Variants in ROR2 observed in about 807,000 individuals in gnomAD.
ROR2 encodes ROR family WNT receptor 2.
Under a neutral mutation model 74.9 loss-of-function variants are expected in ROR2, and 33 were observed. The ratio of observed to expected loss-of-function variants is 0.44; its 90% CI spans 0.33 to 0.59. The LOEUF is 0.59. Ranked by LOEUF, ROR2 falls within the 20% of genes least tolerant of loss-of-function variation. The pLI is 0.02. For missense variants in ROR2, 1,216 were observed against 1,313.8 expected, an observed-to-expected ratio of 0.93 and a Z score of 1.15; for synonymous variants, 586 against 558.7, an observed-to-expected ratio of 1.05 and a Z score of -0.69.
chr9:91,748,888 G>A (rs990504391), intron 4 of ROR2, among the ~76,000 whole-genome samples: 2 of 152,052 alleles, frequency 1.3e-5, no homozygotes, highest in Non-Finnish European at 1.5e-5. Context: ...TTAGCCGGGC[G>A]TGGTGGCAGG....
At chr9:91,833,208 G>A (rs541223291) in intron 1 of ROR2, among the ~76,000 whole-genome samples, 3 of 152,194 alleles carry the variant, frequency 2.0e-5, no homozygotes, top group Non-Finnish European at 4.4e-5. Flanking sequence ...GCTTGGGAGG[G>A]AGGAAGGACC....
chr9:91,937,454 C>T (rs933707745), intron 1 of ROR2, among the ~76,000 whole-genome samples: 1 of 151,880 alleles, frequency 6.6e-6, no homozygotes, highest in African/African-American at 2.4e-5. Context: ...ATCCAGACGC[C>T]CCAGGGGTCT....
intron 1 of ROR2, among the ~76,000 whole-genome samples, chr9:91,779,125 T>C (rs1164788416): frequency 6.6e-6 from 1 of 152,074 alleles, no homozygotes; most frequent in Non-Finnish European, 1.5e-5. Context: ...TCAAGAATAA[T>C]GCACCCGTAT....
intron 1 of ROR2, among the ~76,000 whole-genome samples, chr9:91,863,329 C>A (rs1234969157): frequency 6.6e-6 from 1 of 152,114 alleles, no homozygotes; most frequent in Non-Finnish European, 1.5e-5. Context: ...ACAGAGTTAC[C>A]AGAGGACTCT....
At chr9:91,773,932 T>C (rs1317379120) in intron 2 of ROR2, among the ~76,000 whole-genome samples, 1 of 152,182 alleles carries the variant, frequency 6.6e-6, no homozygotes, top group Non-Finnish European at 1.5e-5. Flanking sequence ...ACTCAGAATT[T>C]TATCATGACC....
chr9:91,899,390 C>G (rs1830615277), intron 1 of ROR2, among the ~76,000 whole-genome samples: 1 of 152,146 alleles, frequency 6.6e-6, no homozygotes, highest in Non-Finnish European at 1.5e-5. Flanking sequence ...GGTCAATGTC[C>G]CCTGCTTGGC....
chr9:91,777,779 T>C (rs959605637), intron 1 of ROR2, among the ~76,000 whole-genome samples: 1 of 152,174 alleles, frequency 6.6e-6, no homozygotes, highest in Non-Finnish European at 1.5e-5. Context: ...ACATTTTCTA[T>C]AAATGAAATC....
At position 91,768,789 on chromosome 9, in the gene ROR2, G is replaced by A. The variant is rs376723426; in HGVS notation, c.175+6952C>T. On this transcript the variant is annotated intron_variant, in intron 2 of 8. Transcript: ENST00000375708. ...CCAAACTCTGCCCCGAATAACCAAC[G>A]GTGCACACTTTGAAACCTCCTATTT... 4.6e-5 allele frequency among the ~76,000 whole-genome samples: 7 copies of A among 152,280 alleles called. No homozygotes were observed. In the East Asian group the frequency reaches 5.8e-4, roughly 13 times the overall value.
intron 1 of ROR2, among the ~76,000 whole-genome samples, chr9:91,844,775 G>A (rs1421035512): frequency 6.6e-6 from 1 of 152,088 alleles, no homozygotes; most frequent in Non-Finnish European, 1.5e-5. Context: ...AAGTTCACGG[G>A]TCAAAAAGGC....
chr9:91,756,955 T>C (rs1241430824), intron 3 of ROR2, among the ~76,000 whole-genome samples: 5 of 152,026 alleles, frequency 3.3e-5, no homozygotes, highest in Admixed American at 3.3e-4. Flanking sequence ...TCTACTAAAC[T>C]GGCCAACTAC....
chr9:91,874,456 C>G (rs1476513098), intron 1 of ROR2, among the ~76,000 whole-genome samples: 3 of 152,146 alleles, frequency 2.0e-5, no homozygotes, highest in Non-Finnish European at 4.4e-5. Context: ...TCTAGAAAAA[C>G]TAAGTTGGCT....
intron 1 of ROR2, among the ~76,000 whole-genome samples, chr9:91,874,921 G>A (rs1179462941): frequency 1.4e-5 from 2 of 147,188 alleles, no homozygotes; most frequent in African/African-American, 2.6e-5. Context: ...CAACAAGAGC[G>A]AAACTCCGTC....
chr9:91,739,316 G>A (rs1825140691), intron 4 of ROR2, among the ~76,000 whole-genome samples: 1 of 152,056 alleles, frequency 6.6e-6, no homozygotes, highest in East Asian at 1.9e-4. Flanking sequence ...AGACCAGTCT[G>A]GGCAACATGG....
At chr9:91,908,796 G>T (rs1830880606) in intron 1 of ROR2, among the ~76,000 whole-genome samples, 1 of 152,134 alleles carries the variant, frequency 6.6e-6, no homozygotes, top group Non-Finnish European at 1.5e-5. Context: ...AAGATTTCAA[G>T]CGGAGGGTGC....
Position 91,833,530 on chromosome 9 carries a change from C to T in ROR2, c.98-57712G>A, listed in dbSNP as rs561527307. Among the ~76,000 whole-genome samples, 87 of 152,326 alleles carry T rather than the reference C, an allele frequency of 5.7e-4. 2 individuals are homozygous for T. The highest frequency in any genetic ancestry group is 1.9e-3 in the African/African-American group (80 of 41,576). On this transcript the variant is annotated intron_variant, in intron 1 of 8. Coordinates refer to ENST00000375708, the MANE Select transcript of ROR2 (RefSeq NM_004560.4). ...CAGTCCCACCACCAGCACCGCCACACGCCAGAGCCGTGCCCCCCAGGCCCC... is the reference window on the plus strand; with the variant it reads ...CAGTCCCACCACCAGCACCGCCACATGCCAGAGCCGTGCCCCCCAGGCCCC...
intron 1 of ROR2, among the ~76,000 whole-genome samples, chr9:91,942,632 A>G (rs753052915): frequency 1.3e-5 from 2 of 152,210 alleles, no homozygotes; most frequent in African/African-American, 2.4e-5. Context: ...GAAGCTCAGA[A>G]AGTGACCTTA....
chr9:91,895,725 C>A (rs1256339027), intron 1 of ROR2, among the ~76,000 whole-genome samples: 1 of 152,274 alleles, frequency 6.6e-6, no homozygotes, highest in South Asian at 2.1e-4. Flanking sequence ...TGCCTGTAAT[C>A]CCAGCTACTC....
At chr9:91,802,217 G>A (rs1184542972) in intron 1 of ROR2, among the ~76,000 whole-genome samples, 1 of 151,786 alleles carries the variant, frequency 6.6e-6, no homozygotes, top group African/African-American at 2.4e-5. Flanking sequence ...GGGACTACAG[G>A]CGCCCGCCAC....
At chr9:91,912,143 ATTAGAG>A (rs1327934614) in intron 1 of ROR2, among the ~76,000 whole-genome samples, 1 of 131,778 alleles carries the variant, frequency 7.6e-6, no homozygotes, top group African/African-American at 3.3e-5. Context: ...AAAACTGCTA[ATTAGAG>A]ATTCAAACAA....
Sources: allele counts gnomAD v4.1 joint callset (sites outside exome capture counted in the v4.1 genomes callset), GRCh38; gene constraint gnomAD v4.1.1; transcripts MANE v1.5; gene names NCBI Gene and HGNC (gene_info 2026-07-23, HGNC 2026-07-21).